Variants in ARV1 observed in about 807,000 individuals in gnomAD.
ARV1 encodes ARV1 fatty acid homeostasis modulator.
A neutral mutation model predicts 31.1 loss-of-function variants in ARV1; 26 were observed. The ratio of observed to expected loss-of-function variants is 0.84; its 90% CI spans 0.61 to 1.16. ARV1 has a LOEUF of 1.16. Among genes scored for constraint, ARV1 ranks in the 50% most tolerant of loss-of-function variants. The pLI, the probability that ARV1 is intolerant of heterozygous loss-of-function variation, is 0.00. For missense variants in ARV1, 281 were observed against 324.9 expected (o/e 0.86, Z 1.04); for synonymous variants, 117 against 123.2 (o/e 0.95, Z 0.34).
In ARV1 at chr1:230,993,298, G is replaced by C. The variant is rs538417924; in HGVS notation, c.449-2462G>C. ...TTATGTAAAGGCAGTATCTTACTCT[G>C]TTGTCCAGGTTGGTCTTGAACTCCT... On this transcript the variant is annotated intron_variant, in intron 3 of 5. Transcript: ENST00000310256. 2.6e-5 allele frequency among the ~76,000 whole-genome samples: 4 copies of C among 152,110 alleles called. No individual in the cohort carries two copies. In the South Asian group the frequency reaches 8.3e-4, roughly 32 times the overall value.
intron 1 of ARV1, among the ~76,000 whole-genome samples, chr1:230,984,359 T>TGTGTGTGTGTGCGCGC (rs71179756): frequency 0.021 from 1,967 of 93,510 alleles, 55 homozygotes; most frequent in African/African-American, 0.09. Context: ...TGTGTGTGTG[T>TGTGTGTGTGTGCGCGC]GTGCGTGTGT....
chr1:230,994,371 A>T (rs1393524374), intron 3 of ARV1, among the ~76,000 whole-genome samples: 1 of 152,160 alleles, frequency 6.6e-6, no homozygotes, highest in Non-Finnish European at 1.5e-5. Flanking sequence ...CTATTCTTTC[A>T]CTATTTATTC....
chr1:230,985,759 T>C (rs916748392), intron 1 of ARV1, among the ~76,000 whole-genome samples: 1 of 152,108 alleles, frequency 6.6e-6, no homozygotes, highest in Non-Finnish European at 1.5e-5. Flanking sequence ...AGGAAGGAGA[T>C]GTGTTCCATG....
chr1:230,995,001 C>T (rs1227586804), intron 3 of ARV1, among the ~76,000 whole-genome samples: 2 of 152,146 alleles, frequency 1.3e-5, no homozygotes, highest in Admixed American at 1.3e-4. Context: ...AATAACATAG[C>T]TTATATGGGA....
At chr1:230,988,258 A>G in intron 1 of ARV1, 62 bp from the exon 2 acceptor site, 1 of 1,471,494 alleles carries the variant, frequency 6.8e-7, no homozygotes, top group South Asian at 1.3e-5. Flanking sequence ...CTGTTTTGAA[A>G]TCCTTGAGGA....
intron 1 of ARV1, among the ~76,000 whole-genome samples, chr1:230,985,494 T>C (rs1370039566): frequency 1.3e-5 from 2 of 152,206 alleles, no homozygotes; most frequent in African/African-American, 4.8e-5. Flanking sequence ...ACGATTGTTA[T>C]ACATGTAATA....
intron 1 of ARV1, chr1:230,979,524 A>T: frequency 2.1e-6 from 1 of 486,912 alleles, no homozygotes; most frequent in Non-Finnish European, 3.6e-6. Flanking sequence ...ACAGAGGTAG[A>T]TGTGGGCATT....
chr1:230,987,934 T>G lies in ARV1; in HGVS notation c.175-386T>G, dbSNP rs149987904. Among the ~76,000 whole-genome samples the G allele has an allele frequency of 4.0e-3, 608 of 152,308 alleles. 3 individuals are homozygous for G. The highest frequency in any genetic ancestry group is 6.5e-3 in the Non-Finnish European group (442 of 68,024). On this transcript the variant is annotated intron_variant, in intron 1 of 5. Coordinates refer to ENST00000310256, the MANE Select transcript of ARV1 (RefSeq NM_022786.3). ...TAGCCAAGAGGCAACAATTTATCAA[T>G]GAAAGTGCATTATAAATATATTTAT...
At position 230,986,668 on chromosome 1, in the gene ARV1, A is replaced by ATTTTTTTTTTT. The variant is rs1162209283; in HGVS notation, c.175-1624_175-1614dup. Among the ~76,000 whole-genome samples, 64 of 62,340 alleles carry ATTTTTTTTTTT rather than the reference A, an allele frequency of 1.0e-3. 4 individuals are homozygous for ATTTTTTTTTTT. Among genetic ancestry groups the ATTTTTTTTTTT allele is most frequent in the East Asian group, 3.1e-3 (5 of 1,612 alleles). The allele number at this position is 62,340 out of a possible 152,430, so 40.9% of individuals were successfully genotyped here. ...CACCCACAAATGTAATACTTTTCCT[A>ATTTTTTTTTTT]TTTTTTTTTTTTTTTTTTTTTTTTT... On this transcript the variant is annotated intron_variant, in intron 1 of 5. Transcript: ENST00000310256.
rs34285543 is a variant in ARV1, at chr1:230,984,363, CGTGTGTGTGTGT to C, written c.175-3930_175-3919del. On this transcript the variant is annotated intron_variant, in intron 1 of 5. Transcript: ENST00000310256. Reference sequence around the variant, plus strand: ...TGTTTCGTGTGTGTGTGTGTGTGTGCGTGTGTGTGTGTGTGTGTGTGTGTGTGTGTGTGTGTG... The same window carrying C: ...TGTTTCGTGTGTGTGTGTGTGTGTGCGTGTGTGTGTGTGTGTGTGTGTGTG... Among the ~76,000 whole-genome samples, 103 of 129,840 alleles carry C rather than the reference CGTGTGTGTGTGT, an allele frequency of 7.9e-4. 3 individuals are homozygous for C. The highest frequency in any genetic ancestry group is 2.6e-3 in the African/African-American group (93 of 35,178). 85.2% of individuals were successfully genotyped at this position (129,840 alleles called of 152,430 possible).
intron 3 of ARV1, among the ~76,000 whole-genome samples, chr1:230,993,320 T>C (rs1232551589): frequency 6.6e-6 from 1 of 152,184 alleles, no homozygotes; most frequent in East Asian, 1.9e-4. Context: ...GGTCTTGAAC[T>C]CCTGGGCTCA....
intron 1 of ARV1, among the ~76,000 whole-genome samples, chr1:230,979,939 T>A (rs542794774): frequency 6.6e-6 from 1 of 152,108 alleles, no homozygotes; most frequent in Non-Finnish European, 1.5e-5. Context: ...GTTTAAAGAG[T>A]CTACAAAGTT....
chr1:230,988,193 A>T, intron 1 of ARV1, 127 bp from the exon 2 acceptor site: 1 of 726,096 alleles, frequency 1.4e-6, no homozygotes, highest in Non-Finnish European at 2.3e-6. Context: ...ATGGAAGTTT[A>T]TATAAATAAT....
chr1:230,995,061 C>T (rs1236982418), intron 3 of ARV1, among the ~76,000 whole-genome samples: 3 of 152,112 alleles, frequency 2.0e-5, no homozygotes, highest in Admixed American at 6.6e-5. Flanking sequence ...GTTGGGTAAT[C>T]GGATGACTAA....
chr1:230,995,705 G>C, intron 3 of ARV1, 55 bp from the exon 4 acceptor site: 1 of 1,340,274 alleles, frequency 7.5e-7, no homozygotes, highest in South Asian at 1.3e-5. Context: ...TTGTTTTTAA[G>C]GGGATATATT....
At chr1:230,982,404 T>C (rs1678933981) in intron 1 of ARV1, among the ~76,000 whole-genome samples, 1 of 152,206 alleles carries the variant, frequency 6.6e-6, no homozygotes, top group African/African-American at 2.4e-5. Flanking sequence ...ATACAAAAAA[T>C]CTCTTTTTGT....
chr1:230,979,138 G>A lies in ARV1; in HGVS notation c.33G>A (p.Gln11=), dbSNP rs755707791. 6.2e-7 allele frequency: 1 copy of A among 1,610,690 alleles called. No homozygotes were observed. The highest frequency in any genetic ancestry group is 2.2e-5 in the East Asian group (1 of 44,724). MGNGGRSGLQ[Q]GKGNVDGVAA... ...ACGGCGGGCGGAGCGGCCTGCAGCA[G>A]GGGAAGGGGAACGTGGATGGGGTGG... The change falls in exon 1 of 6, where the codon CAG becomes CAA. Residue 11 remains glutamine, a synonymous_variant. Transcript: ENST00000310256.
intron 1 of ARV1, chr1:230,979,586 G>T: frequency 2.9e-6 from 1 of 348,054 alleles, no homozygotes; most frequent in East Asian, 8.7e-5. Context: ...TCATGCCAAA[G>T]CTACTTCCTT....
At chr1:230,985,585 A>C (rs760853537) in intron 1 of ARV1, among the ~76,000 whole-genome samples, 11 of 152,176 alleles carry the variant, frequency 7.2e-5, no homozygotes, top group Non-Finnish European at 1.0e-4. Context: ...GTTTCTGCCT[A>C]CCTCCTTCCA....
Sources: gnomAD v4.1 joint callset for allele counts (sites outside exome capture counted in the v4.1 genomes callset) on GRCh38, gnomAD v4.1.1 for gene constraint, MANE v1.5 for transcripts, NCBI Gene and HGNC (gene_info 2026-07-23, HGNC 2026-07-21) for gene names.